The following EBF2 variants were observed in gnomAD, a reference collection of about 807,000 sequenced individuals.
EBF2 encodes the protein transcription factor COE2.
A neutral mutation model predicts 72.8 loss-of-function variants in EBF2; 21 were observed. The observed-to-expected ratio is 0.29, with a 90% CI of 0.20 to 0.42. The LOEUF (loss-of-function observed/expected upper bound fraction) is 0.42. Ranked by LOEUF, EBF2 falls within the 10% of genes least tolerant of loss-of-function variation. The pLI, the probability that EBF2 is intolerant of heterozygous loss-of-function variation, is 1.00. For missense variants in EBF2, 637 were observed against 731.2 expected (o/e 0.87, Z 1.49); for synonymous variants, 299 against 274.2 (o/e 1.09, Z -0.89).
Position 25,975,386 on chromosome 8 carries a change from A to G in EBF2, c.551+57699T>C, listed in dbSNP as rs1198073034. On this transcript the variant is annotated intron_variant, in intron 6 of 15. Coordinates refer to ENST00000520164, the MANE Select transcript of EBF2 (RefSeq NM_022659.4). ...CAGGCACATAATGTAATGTAGACAG[A>G]CACTGAAAGCAATATCAGATTCCTT... Among the ~76,000 whole-genome samples, 4 of 152,356 alleles carry G rather than the reference A, an allele frequency of 2.6e-5. No individual in the cohort carries two copies. In the East Asian group the frequency reaches 7.7e-4, roughly 29 times the overall value.
intron 6 of EBF2, among the ~76,000 whole-genome samples, chr8:25,914,134 C>T (rs1184570529): frequency 6.6e-6 from 1 of 152,174 alleles, no homozygotes; most frequent in African/African-American, 2.4e-5. Flanking sequence ...ACTGGGTGGC[C>T]ACACCCATGA....
At chr8:25,978,518 G>C (rs1488428817) in intron 6 of EBF2, among the ~76,000 whole-genome samples, 2 of 152,142 alleles carry the variant, frequency 1.3e-5, no homozygotes, top group African/African-American at 4.8e-5. Context: ...TGGCGATGAG[G>C]GGCATCGCAG....
At chr8:25,892,243 A>C (rs572198565) in intron 7 of EBF2, among the ~76,000 whole-genome samples, 1 of 152,306 alleles carries the variant, frequency 6.6e-6, no homozygotes, top group African/African-American at 2.4e-5. Flanking sequence ...AAAGTATATA[A>C]ATGTGGCTTC....
chr8:25,903,188 T>C (rs994077328), intron 7 of EBF2, among the ~76,000 whole-genome samples: 1 of 84,640 alleles, frequency 1.2e-5, no homozygotes, highest in African/African-American at 1.2e-4. Context: ...TTTGTCTGGG[T>C]TTTTTTTTTT....
At chr8:25,859,754 T>C (rs1206502224) in intron 13 of EBF2, among the ~76,000 whole-genome samples, 1 of 151,048 alleles carries the variant, frequency 6.6e-6, no homozygotes, top group Non-Finnish European at 1.5e-5. Flanking sequence ...TCTCACTCTG[T>C]TGCCCTGGCT....
At position 26,003,590 on chromosome 8, in the gene EBF2, G is replaced by A. The variant is rs566980446; in HGVS notation, c.551+29495C>T. 7.9e-4 allele frequency among the ~76,000 whole-genome samples: 121 copies of A among 152,212 alleles called. 1 individual carries two copies. Among genetic ancestry groups the A allele is most frequent in the African/African-American group, 2.8e-3 (117 of 41,546 alleles). On this transcript the variant is annotated intron_variant, in intron 6 of 15. Coordinates refer to ENST00000520164, the MANE Select transcript of EBF2 (RefSeq NM_022659.4). ...GTGGGGGCTCCTCTCCCTGACTTGAGACAAGCTCAGATTGAAATCTGATGC... is the reference window on the plus strand; with the variant it reads ...GTGGGGGCTCCTCTCCCTGACTTGAAACAAGCTCAGATTGAAATCTGATGC...
At chr8:25,896,612 T>C (rs1258146768) in intron 7 of EBF2, among the ~76,000 whole-genome samples, 9 of 152,190 alleles carry the variant, frequency 5.9e-5, no homozygotes, top group Admixed American at 5.2e-4. Context: ...ATAACTGTTA[T>C]GTGGGATTTT....
At chr8:25,889,690 T>G in intron 8 of EBF2, 62 bp downstream of exon 8, 1 of 1,346,758 alleles carries the variant, frequency 7.4e-7, no homozygotes, top group Non-Finnish European at 1.1e-6. Context: ...AATTTGAAGT[T>G]CGAACAAGGA....
intron 6 of EBF2, among the ~76,000 whole-genome samples, chr8:25,943,357 A>C (rs1803712771): frequency 6.6e-6 from 1 of 151,698 alleles, no homozygotes; most frequent in African/African-American, 2.4e-5. Context: ...AGAAAGAAAA[A>C]AATTTAGTCG....
At chr8:25,901,251 G>T (rs4872373) in intron 7 of EBF2, among the ~76,000 whole-genome samples, 1 of 151,556 alleles carries the variant, frequency 6.6e-6, no homozygotes, top group Non-Finnish European at 1.5e-5. Context: ...GCAAAACCCC[G>T]TCTCGATAAA....
chr8:25,903,186 G>GT (rs1422780532), intron 7 of EBF2, among the ~76,000 whole-genome samples: 2 of 139,074 alleles, frequency 1.4e-5, no homozygotes, highest in African/African-American at 3.0e-5. Context: ...ATTTTGTCTG[G>GT]GTTTTTTTTT....
At chr8:25,887,115 C>T (rs1802703394) in intron 9 of EBF2, among the ~76,000 whole-genome samples, 1 of 101,666 alleles carries the variant, frequency 9.8e-6, no homozygotes, top group Non-Finnish European at 2.5e-5. Flanking sequence ...GTGTATGTCT[C>T]TGTCTCTCTC....
At chr8:26,006,828 C>T (rs1385730) in intron 6 of EBF2, among the ~76,000 whole-genome samples, 97,916 of 152,180 alleles carry the variant, frequency 0.64, 31,975 homozygotes, top group Middle Eastern at 0.74. Flanking sequence ...CTTTAAAGGC[C>T]GTGGGACTGA....
At chr8:25,993,823 A>G (rs934232872) in intron 6 of EBF2, among the ~76,000 whole-genome samples, 3 of 152,144 alleles carry the variant, frequency 2.0e-5, no homozygotes, top group Non-Finnish European at 2.9e-5. Context: ...GAAGCTTATT[A>G]TGTTCCAGGA....
At chr8:25,845,763 G>A (rs180893950) in intron 15 of EBF2, among the ~76,000 whole-genome samples, 2 of 152,280 alleles carry the variant, frequency 1.3e-5, no homozygotes, top group South Asian at 2.1e-4. Flanking sequence ...CTTAGAAAAT[G>A]GCAGAATAGT....
intron 6 of EBF2, among the ~76,000 whole-genome samples, chr8:26,009,262 AGAAAG>A (rs754108252): frequency 6.6e-6 from 1 of 152,124 alleles, no homozygotes; most frequent in Non-Finnish European, 1.5e-5. Flanking sequence ...TTTTTCCCCC[AGAAAG>A]AAGAGAATCA....
At chr8:25,988,681 G>C (rs955226381) in intron 6 of EBF2, among the ~76,000 whole-genome samples, 2 of 152,094 alleles carry the variant, frequency 1.3e-5, no homozygotes, top group African/African-American at 4.8e-5. Flanking sequence ...GAATTATAAG[G>C]GTAACATTTT....
At chr8:25,957,623 G>A (rs552697406) in intron 6 of EBF2, among the ~76,000 whole-genome samples, 21 of 152,308 alleles carry the variant, frequency 1.4e-4, no homozygotes, top group Admixed American at 3.9e-4. Flanking sequence ...AGCAAGCTGG[G>A]AGCCCAAGGT....
At chr8:25,877,755 G>C (rs1285851132) in intron 10 of EBF2, among the ~76,000 whole-genome samples, 1 of 152,118 alleles carries the variant, frequency 6.6e-6, no homozygotes, top group Non-Finnish European at 1.5e-5. Context: ...TTCTACATAA[G>C]AGTAAACACT....
Sources: gnomAD v4.1 joint callset for allele counts (sites outside exome capture counted in the v4.1 genomes callset) on GRCh38, gnomAD v4.1.1 for gene constraint, MANE v1.5 for transcripts, NCBI Gene and HGNC (gene_info 2026-07-23, HGNC 2026-07-21) for gene names.